Variants in DLGAP1 observed in about 807,000 individuals in gnomAD.
The protein encoded by DLGAP1 is DLG associated protein 1, also known as disks large-associated protein 1.
In DLGAP1, 11 loss-of-function variants were observed where a neutral mutation model predicts 90.8. The observed-to-expected ratio is 0.12, with a 90% CI of 0.08 to 0.20. The LOEUF (loss-of-function observed/expected upper bound fraction) is 0.20, where lower values mean the gene tolerates loss of function less well. DLGAP1 is among the 10% of genes least tolerant of loss of function. The pLI, the probability that DLGAP1 is intolerant of heterozygous loss-of-function variation, is 1.00. For synonymous variants in DLGAP1, 558 were observed against 540.7 expected (o/e 1.03, Z -0.44); for missense variants, 1,050 against 1,333.8 (o/e 0.79, Z 3.31).
intron 1 of DLGAP1, among the ~76,000 whole-genome samples, chr18:4,429,759 T>C (rs1598407611): frequency 1.3e-5 from 2 of 151,926 alleles, no homozygotes; most frequent in East Asian, 1.9e-4. Context: ...GGCAGCCCAG[T>C]TGATAATAGA....
At chr18:4,213,630 C>T (rs146694993) in intron 1 of DLGAP1, among the ~76,000 whole-genome samples, 135 of 152,096 alleles carry the variant, frequency 8.9e-4, no homozygotes, top group Middle Eastern at 3.4e-3. Context: ...GAAATGGTAC[C>T]CATTGAAGAT....
intron 1 of DLGAP1, among the ~76,000 whole-genome samples, chr18:4,395,464 C>T (rs777662917): frequency 1.3e-5 from 2 of 152,092 alleles, no homozygotes; most frequent in Admixed American, 6.5e-5. Context: ...GAGGGCTCCG[C>T]GTATTACCTA....
intron 3 of DLGAP1, among the ~76,000 whole-genome samples, chr18:3,930,702 C>T (rs370636788): frequency 2.0e-5 from 3 of 152,060 alleles, no homozygotes; most frequent in Non-Finnish European, 4.4e-5. Context: ...CCTTGAGGGC[C>T]GACATGCTGA....
At chr18:4,350,579 C>T (rs138978077) in intron 1 of DLGAP1, among the ~76,000 whole-genome samples, 58 of 152,174 alleles carry the variant, frequency 3.8e-4, no homozygotes, top group African/African-American at 1.1e-3. Context: ...ATGACTCTTC[C>T]GTTCACCAAT....
intron 4 of DLGAP1, chr18:3,845,392 G>T (rs1336854550): frequency 1.4e-6 from 2 of 1,425,170 alleles, no homozygotes; most frequent in East Asian, 2.5e-5. Context: ...GGACTTGGGG[G>T]TGGGGGGAGA....
At chr18:3,869,345 T>C (rs956723500) in intron 4 of DLGAP1, among the ~76,000 whole-genome samples, 3 of 152,124 alleles carry the variant, frequency 2.0e-5, no homozygotes, top group Non-Finnish European at 4.4e-5. Flanking sequence ...GAAGATCCCT[T>C]GAGGCCAAAA....
intron 2 of DLGAP1, among the ~76,000 whole-genome samples, chr18:4,139,845 C>CT (rs2076467063): frequency 6.6e-6 from 1 of 151,880 alleles, no homozygotes; most frequent in Admixed American, 6.6e-5. Flanking sequence ...GAATTGAACC[C>CT]TTTATGATTA....
chr18:4,128,898 A>T (rs938415778), intron 2 of DLGAP1, among the ~76,000 whole-genome samples: 3 of 150,168 alleles, frequency 2.0e-5, no homozygotes, highest in Non-Finnish European at 4.5e-5. Context: ...AAACACCGGC[A>T]TTTTTTTTTT....
At chr18:3,863,272 T>G (rs917794735) in intron 4 of DLGAP1, among the ~76,000 whole-genome samples, 2 of 152,202 alleles carry the variant, frequency 1.3e-5, no homozygotes, top group African/African-American at 4.8e-5. Flanking sequence ...TAGGGCTCAT[T>G]TGCCCTCATT....
Position 3,570,538 on chromosome 18 carries a change from C to T in DLGAP1, c.1966-2957G>A, listed in dbSNP as rs942781146. Among the ~76,000 whole-genome samples, 12 of 152,072 alleles carry T rather than the reference C, an allele frequency of 7.9e-5. No homozygotes were observed. In the South Asian group the frequency reaches 2.5e-3, roughly 32 times the overall value. ...AGCTGATCTGCCCGCCTCAGCCTCT[C>T]AAAGTGCTGGTTGCATGTCTGGCCT... On this transcript the variant is annotated intron_variant, in intron 8 of 12. Coordinates refer to ENST00000315677, the MANE Select transcript of DLGAP1 (RefSeq NM_004746.4).
At chr18:3,515,468 C>A (rs372546268) in intron 10 of DLGAP1, among the ~76,000 whole-genome samples, 293 of 72,448 alleles carry the variant, frequency 4.0e-3, no homozygotes, top group Middle Eastern at 0.029. Context: ...GATTCCATCT[C>A]AAAAAAAAAA....
intron 7 of DLGAP1, among the ~76,000 whole-genome samples, chr18:3,686,433 C>T (rs2060705156): frequency 6.6e-6 from 1 of 152,040 alleles, no homozygotes; most frequent in South Asian, 2.1e-4. Context: ...TATTTAAAGA[C>T]TATGTTGGTT....
intron 7 of DLGAP1, among the ~76,000 whole-genome samples, chr18:3,682,160 A>G (rs1430998175): frequency 6.6e-6 from 1 of 151,560 alleles, no homozygotes; most frequent in East Asian, 1.9e-4. Flanking sequence ...CGAACGAACT[A>G]ACTAATTAAC....
intron 1 of DLGAP1, among the ~76,000 whole-genome samples, chr18:4,323,844 T>C (rs139161644): frequency 4.7e-4 from 71 of 152,202 alleles, no homozygotes; most frequent in African/African-American, 1.7e-3. Flanking sequence ...AGATACAACA[T>C]ACCAGAATCT....
Position 3,660,931 on chromosome 18 carries a change from G to T in DLGAP1, c.1591+68204C>A, listed in dbSNP as rs1179113494. ...ATGACAGCAATGTTCACAGGAAACT[G>T]TATGATAAGGCACAATAGAGAAAGA... On this transcript the variant is annotated intron_variant, in intron 7 of 12. Transcript: ENST00000315677. This position sits in a 1 kb window ranked among gnomAD's most constrained non-coding sequence, Gnocchi z 4.2. 5.3e-5 allele frequency among the ~76,000 whole-genome samples: 8 copies of T among 152,206 alleles called. No homozygotes were observed. The highest frequency in any genetic ancestry group is 5.2e-4 in the Admixed American group (8 of 15,280).
intron 1 of DLGAP1, among the ~76,000 whole-genome samples, chr18:4,233,162 A>G (rs2078334755): frequency 1.3e-5 from 2 of 152,148 alleles, no homozygotes; most frequent in South Asian, 2.1e-4. Context: ...AAAACTAGGA[A>G]ATGCTGGTAC....
In DLGAP1 at chr18:4,116,612, C is replaced by G. The variant is rs545002788; in HGVS notation, c.-159+34568G>C. 3.3e-5 allele frequency among the ~76,000 whole-genome samples: 5 copies of G among 152,122 alleles called. No homozygotes were observed. The South Asian group carries it at 1.0e-3, about 32-fold the overall frequency. The stretch of plus-strand genomic sequence containing the variant: ...TTCAAGGTCAGTTTCTTTCTTCTAC[C>G]AGCTCAGACTGTCTCTCGAGACCCT... On this transcript the variant is annotated intron_variant, in intron 2 of 12. Transcript: ENST00000315677.
At chr18:4,039,505 A>G (rs1026616181) in intron 2 of DLGAP1, among the ~76,000 whole-genome samples, 4 of 152,230 alleles carry the variant, frequency 2.6e-5, no homozygotes, top group Admixed American at 2.6e-4. Flanking sequence ...TGCCTAGAAA[A>G]TTGCAAGAAA....
At chr18:3,674,318 T>TATATA (rs2060216347) in intron 7 of DLGAP1, among the ~76,000 whole-genome samples, 1 of 145,882 alleles carries the variant, frequency 6.9e-6, no homozygotes. Context: ...TATATGTATA[T>TATATA]TTTAAAAAAT....
Sources: allele counts gnomAD v4.1 joint callset (sites outside exome capture counted in the v4.1 genomes callset), GRCh38; gene constraint gnomAD v4.1.1; non-coding constraint Gnocchi (gnomAD v3.1); transcripts MANE v1.5; gene names NCBI Gene and HGNC (gene_info 2026-07-23, HGNC 2026-07-21).